GRID2: variants seen among roughly 807,000 people sequenced by gnomAD.
GRID2 encodes the protein glutamate receptor ionotropic, delta-2.
In GRID2, 33 loss-of-function variants were observed where a neutral mutation model predicts 114.8. That is an observed-to-expected ratio of 0.29 (90% CI 0.22 to 0.38). The LOEUF (loss-of-function observed/expected upper bound fraction) is 0.38. GRID2 is among the 10% of genes least tolerant of loss of function. The pLI, the probability that GRID2 is intolerant of heterozygous loss-of-function variation, is 1.00. For missense variants in GRID2, 1,184 were observed against 1,257.7 expected (o/e 0.94, Z 0.89); for synonymous variants, 505 against 449.9 (o/e 1.12, Z -1.55).
chr4:93,290,169 G>A lies in GRID2; in HGVS notation c.1245+51679G>A, dbSNP rs372720755. Among the ~76,000 whole-genome samples the A allele has an allele frequency of 1.2e-3, 182 of 152,294 alleles. 3 individuals carry two copies. Among genetic ancestry groups the A allele is most frequent in the African/African-American group, 4.3e-3 (180 of 41,562 alleles). ...TCATAAAAATGACAATCTCTTTACA[G>A]TATGTTAAAAATAAATTTCATGTTC... is the stretch of plus-strand genomic sequence containing the variant. On this transcript the variant is annotated intron_variant, in intron 8 of 15. Transcript: ENST00000282020.
At chr4:93,723,651 G>A (rs2110200914) in intron 14 of GRID2, among the ~76,000 whole-genome samples, 1 of 152,206 alleles carries the variant, frequency 6.6e-6, no homozygotes, top group African/African-American at 2.4e-5. Context: ...TTCCCCCAGG[G>A]GATATAAAGA....
At chr4:93,375,502 C>T (rs368149382) in intron 8 of GRID2, among the ~76,000 whole-genome samples, 7 of 151,984 alleles carry the variant, frequency 4.6e-5, no homozygotes, top group South Asian at 4.2e-4. Context: ...TGAGCCACCG[C>T]GCCTGGCCAG....
At chr4:92,981,481 G>A (rs1181267420) in intron 2 of GRID2, among the ~76,000 whole-genome samples, 1 of 151,952 alleles carries the variant, frequency 6.6e-6, no homozygotes, top group Non-Finnish European at 1.5e-5. Context: ...AATGTGGAAA[G>A]CATCAATAGT....
intron 2 of GRID2, among the ~76,000 whole-genome samples, chr4:92,929,758 A>C (rs1262315805): frequency 6.6e-6 from 1 of 151,410 alleles, no homozygotes; most frequent in Non-Finnish European, 1.5e-5. Flanking sequence ...CATATTCTGC[A>C]TGAAATTATT....
At chr4:93,117,893 C>T (rs74987150) in intron 4 of GRID2, among the ~76,000 whole-genome samples, 2 of 152,188 alleles carry the variant, frequency 1.3e-5, no homozygotes, top group East Asian at 1.9e-4. Flanking sequence ...ACAAAAAAGG[C>T]AGAGGCTTAC....
At chr4:92,836,824 C>A (rs1338539518) in intron 2 of GRID2, among the ~76,000 whole-genome samples, 4 of 151,966 alleles carry the variant, frequency 2.6e-5, no homozygotes, top group Admixed American at 6.6e-5. Flanking sequence ...ACAAAATAGT[C>A]CCATAGTAAA....
intron 8 of GRID2, among the ~76,000 whole-genome samples, chr4:93,384,802 A>G (rs1270921221): frequency 6.6e-6 from 1 of 152,146 alleles, no homozygotes. Context: ...TTTTTAAAAT[A>G]CGCCTGACTT....
chr4:92,335,634 AG>A (rs1209109473), intron 1 of GRID2, among the ~76,000 whole-genome samples: 5 of 152,226 alleles, frequency 3.3e-5, no homozygotes, highest in African/African-American at 9.6e-5. Context: ...ATGCAATTAA[AG>A]GAAGTCTAAA....
Position 93,222,037 on chromosome 4 carries a change from G to A in GRID2, c.964-2577G>A, listed in dbSNP as rs150810965. Among the ~76,000 whole-genome samples the A allele has an allele frequency of 1.5e-3, 228 of 152,204 alleles. 1 individual carries two copies. The highest frequency in any genetic ancestry group is 0.01 in the Middle Eastern group (3 of 294). On this transcript the variant is annotated intron_variant, in intron 6 of 15. Transcript: ENST00000282020. ...GCCAAACACACCTAGCTTTAAAATT[G>A]ACTTTCTTTTTTTCTCCTCTCTCCA...
At chr4:93,335,541 A>G (rs772653344) in intron 8 of GRID2, among the ~76,000 whole-genome samples, 1 of 152,230 alleles carries the variant, frequency 6.6e-6, no homozygotes, top group African/African-American at 2.4e-5. Context: ...TAGCATAAAA[A>G]TACCAACCAA....
At chr4:92,435,120 C>G (rs1421375312) in intron 1 of GRID2, among the ~76,000 whole-genome samples, 1 of 152,028 alleles carries the variant, frequency 6.6e-6, no homozygotes, top group Non-Finnish European at 1.5e-5. Flanking sequence ...TTACTGAGCC[C>G]TATGTAAGTG....
At chr4:92,887,676 C>T (rs1292268868) in intron 2 of GRID2, among the ~76,000 whole-genome samples, 3 of 152,200 alleles carry the variant, frequency 2.0e-5, no homozygotes, top group Non-Finnish European at 4.4e-5. Flanking sequence ...ACAGTTTTGA[C>T]AAAGATCTTT....
At chr4:92,984,373 A>C (rs918880861) in intron 2 of GRID2, among the ~76,000 whole-genome samples, 2 of 152,252 alleles carry the variant, frequency 1.3e-5, no homozygotes, top group Admixed American at 1.3e-4. Context: ...AAGTTGGAAC[A>C]GCTTATATCA....
intron 13 of GRID2, among the ~76,000 whole-genome samples, chr4:93,585,240 A>C (rs545398517): frequency 6.6e-6 from 1 of 152,206 alleles, no homozygotes; most frequent in South Asian, 2.1e-4. Context: ...TCTTCAAAGA[A>C]ATCCCTCAGG....
chr4:92,408,229 A>C lies in GRID2; in HGVS notation c.88+103485A>C, dbSNP rs530077855. On this transcript the variant is annotated intron_variant, in intron 1 of 15. Coordinates refer to ENST00000282020, the MANE Select transcript of GRID2 (RefSeq NM_001510.4). Reference sequence around the variant, plus strand: ...CTTCCCCCATTGCTTATTTTTATTGATTTTGTTAAAGATCAGATGGTTTTA... The same window carrying C: ...CTTCCCCCATTGCTTATTTTTATTGCTTTTGTTAAAGATCAGATGGTTTTA... Among the ~76,000 whole-genome samples the C allele has an allele frequency of 7.2e-5, 11 of 151,798 alleles. No homozygotes were observed. In the South Asian group the frequency reaches 2.3e-3, roughly 32 times the overall value.
At chr4:92,546,541 CAT>C (rs1491185828) in intron 1 of GRID2, among the ~76,000 whole-genome samples, 1 of 152,142 alleles carries the variant, frequency 6.6e-6, no homozygotes, top group Non-Finnish European at 1.5e-5. Context: ...TATACTGATG[CAT>C]GTGTGTGTGT....
intron 2 of GRID2, among the ~76,000 whole-genome samples, chr4:92,699,175 A>G (rs990607643): frequency 1.3e-5 from 2 of 152,134 alleles, no homozygotes; most frequent in African/African-American, 2.4e-5. Context: ...GTTGAAACCA[A>G]TTTCTGTGTA....
intron 1 of GRID2, among the ~76,000 whole-genome samples, chr4:92,431,784 G>A (rs1487116121): frequency 1.3e-5 from 2 of 152,098 alleles, no homozygotes. Context: ...CTTGATGCTC[G>A]TGGATGTTCA....
Position 92,819,146 on chromosome 4 carries a change from A to G in GRID2, c.244+228860A>G, listed in dbSNP as rs116025544. 8.4e-3 allele frequency among the ~76,000 whole-genome samples: 1,281 copies of G among 152,270 alleles called. 21 individuals are homozygous for G. Among genetic ancestry groups the G allele is most frequent in the African/African-American group, 0.027 (1,102 of 41,576 alleles). On this transcript the variant is annotated intron_variant, in intron 2 of 15. Coordinates refer to ENST00000282020, the MANE Select transcript of GRID2 (RefSeq NM_001510.4). ...CATGAGCAAATGTTACGGCAATAGG[A>G]AAGCATAGTATCATTCAAAGAATTA... is the stretch of plus-strand genomic sequence containing the variant.
Sources: gnomAD v4.1 joint callset for allele counts (sites outside exome capture counted in the v4.1 genomes callset) on GRCh38, gnomAD v4.1.1 for gene constraint, MANE v1.5 for transcripts, NCBI Gene and HGNC (gene_info 2026-07-23, HGNC 2026-07-21) for gene names.